The following UBAP2 variants were observed in gnomAD, a reference collection of about 807,000 sequenced individuals.
UBAP2 encodes the protein ubiquitin associated protein 2, also known as ubiquitin-associated protein 2.
In UBAP2, 75 loss-of-function variants were observed where a neutral mutation model predicts 139.6. The observed-to-expected ratio is 0.54, with a 90% CI of 0.45 to 0.65. The LOEUF (loss-of-function observed/expected upper bound fraction) is 0.65, where lower values mean the gene tolerates loss of function less well. Among genes scored for constraint, UBAP2 ranks in the 30% least tolerant of loss-of-function variants. The probability of loss-of-function intolerance (pLI) is 0.00; values close to 1 mark genes in which losing one functional copy is unlikely to be tolerated. For missense variants in UBAP2, 1,368 were observed against 1,369.6 expected (o/e 1.00, Z 0.02); for synonymous variants, 526 against 526.2 (o/e 1.00, Z 0.01).
At chr9:34,046,250 C>A (rs1252670905) in intron 1 of UBAP2, among the ~76,000 whole-genome samples, 1 of 151,148 alleles carries the variant, frequency 6.6e-6, no homozygotes, top group Non-Finnish European at 1.5e-5. Context: ...ACCCCCCAAC[C>A]CCACAAAGTG....
At chr9:34,031,208 C>T (rs1052586403) in intron 1 of UBAP2, among the ~76,000 whole-genome samples, 3 of 147,010 alleles carry the variant, frequency 2.0e-5, no homozygotes, top group Non-Finnish European at 4.5e-5. Flanking sequence ...ACCCAGGAAG[C>T]GGAGGTTGCA....
intron 2 of UBAP2, among the ~76,000 whole-genome samples, chr9:34,007,448 G>A (rs964572430): frequency 2.7e-5 from 4 of 149,742 alleles, no homozygotes; most frequent in African/African-American, 9.9e-5. Flanking sequence ...CGTGAGCCAT[G>A]TTCGCATCAT....
chr9:33,959,944 T>C (rs1446553658), intron 10 of UBAP2, among the ~76,000 whole-genome samples: 3 of 152,062 alleles, frequency 2.0e-5, no homozygotes, highest in Non-Finnish European at 4.4e-5. Flanking sequence ...GTAAATTTTG[T>C]TTGTTTGCTT....
intron 2 of UBAP2, among the ~76,000 whole-genome samples, chr9:34,014,324 C>CA (rs1170182976): frequency 0.014 from 794 of 55,562 alleles, 55 homozygotes; most frequent in Middle Eastern, 0.095. Context: ...GAGACTGTCT[C>CA]AAAAAAAAAA....
chr9:33,943,503 T>C lies in UBAP2; in HGVS notation c.1632A>G (p.Glu544=). 1 of 1,614,096 alleles carries C rather than the reference T, an allele frequency of 6.2e-7. No homozygotes were observed. Among genetic ancestry groups the C allele is most frequent in the South Asian group, 1.1e-5 (1 of 91,086 alleles). ...VQFGALEFGS[E]PSLSEFGSAP... is the part of the protein sequence containing the mutation. ...CTGATCCAAATTCAGAGAGAGAAGGTTCTGACCCAAATTCCAGAGCCCCAA... is the reference window on the plus strand; with the variant it reads ...CTGATCCAAATTCAGAGAGAGAAGGCTCTGACCCAAATTCCAGAGCCCCAA... The change falls in exon 15 of 29, where the codon GAA becomes GAG. Residue 544 remains glutamate, a synonymous_variant. Coordinates refer to ENST00000379238, the MANE Select transcript of UBAP2 (RefSeq NM_001370062.2).
intron 21 of UBAP2, 71 bp from the exon 22 acceptor site, chr9:33,926,735 A>C (rs1823465706): frequency 6.5e-7 from 1 of 1,538,642 alleles, no homozygotes; most frequent in African/African-American, 1.4e-5. Context: ...TCCATCTAGG[A>C]GTCAAAACAA....
chr9:34,011,711 T>C (rs1823762224), intron 2 of UBAP2: 1 of 966,416 alleles, frequency 1.0e-6, no homozygotes, highest in African/African-American at 1.8e-5. Flanking sequence ...AATTCTTAAG[T>C]TAAACAAGGT....
intron 9 of UBAP2, among the ~76,000 whole-genome samples, chr9:33,962,635 C>T (rs555491171): frequency 7.3e-6 from 1 of 136,450 alleles, no homozygotes; most frequent in African/African-American, 3.1e-5. Flanking sequence ...CAGAGCAAGA[C>T]TCTATCTCAA....
chr9:33,923,165 G>T, intron 26 of UBAP2, 21 bp downstream of exon 26: 1 of 1,613,926 alleles, frequency 6.2e-7, no homozygotes, highest in South Asian at 1.1e-5. Flanking sequence ...CCTTATCCTG[G>T]AAAGGAGAGG....
At chr9:33,963,021 C>CGTGG (rs1827189043) in intron 9 of UBAP2, among the ~76,000 whole-genome samples, 1 of 151,932 alleles carries the variant, frequency 6.6e-6, no homozygotes, top group South Asian at 2.1e-4. Flanking sequence ...ATAAAAAAGA[C>CGTGG]TGGCCTACCA....
At position 33,989,111 on chromosome 9, in the gene UBAP2, C is replaced by T; in HGVS notation, c.304G>A (p.Val102Ile). The change falls in exon 5 of 29, where the codon GTA (valine) becomes ATA (isoleucine). Residue 102 changes from valine (V) to isoleucine (I), a missense_variant. Transcript: ENST00000379238. ...GCAAAATTCTTTTTCTTACACCCTA[C>T]AGTCTCCCATGAAGTCTATCAGAGA... ...GNSDTTSWETVGCKKKNFAKE... is the reference protein window; with the variant it reads ...GNSDTTSWETIGCKKKNFAKE... The T allele has an allele frequency of 6.2e-7, 1 of 1,612,714 alleles. No homozygotes were observed. The highest frequency in any genetic ancestry group is 8.5e-7 in the Non-Finnish European group (1 of 1,179,620).
chr9:34,003,215 G>A (rs943338264), intron 2 of UBAP2, among the ~76,000 whole-genome samples: 4 of 151,666 alleles, frequency 2.6e-5, no homozygotes, highest in Admixed American at 2.6e-4. Flanking sequence ...GGTTTTGGTA[G>A]AGACGGGGTT....
chr9:34,036,452 C>G (rs989892744), intron 1 of UBAP2, among the ~76,000 whole-genome samples: 2 of 152,100 alleles, frequency 1.3e-5, no homozygotes, highest in African/African-American at 4.8e-5. Context: ...TCTAAGAAAA[C>G]TAAGGCTCAG....
rs1028144027 is a variant in UBAP2 at position 34,006,994 on chromosome 9, T to C, written c.100-8130A>G. Reference sequence around the variant, plus strand: ...GTACAACTGTTTTGCTGTTGATATATATAAAGGCTAATTTTTGTTGTTGAT... The same window carrying C: ...GTACAACTGTTTTGCTGTTGATATACATAAAGGCTAATTTTTGTTGTTGAT... On this transcript the variant is annotated intron_variant, in intron 2 of 28. Transcript: ENST00000379238. Among the ~76,000 whole-genome samples, 6 of 152,312 alleles carry C rather than the reference T, an allele frequency of 3.9e-5. No individual in the cohort carries two copies. In the East Asian group the frequency reaches 5.8e-4, roughly 15 times the overall value.
intron 19 of UBAP2, among the ~76,000 whole-genome samples, chr9:33,930,321 T>TA (rs1164442546): frequency 2.6e-5 from 4 of 152,050 alleles, no homozygotes; most frequent in African/African-American, 9.7e-5. Flanking sequence ...ACCCGCTACA[T>TA]ACAGCTATAC....
intron 10 of UBAP2, among the ~76,000 whole-genome samples, chr9:33,959,950 T>TG (rs1371694651): frequency 6.6e-6 from 1 of 152,186 alleles, no homozygotes; most frequent in Non-Finnish European, 1.5e-5. Flanking sequence ...TTTGTTTGTT[T>TG]GCTTTAAGAT....
chr9:33,968,898 T>C (rs1014959558), intron 8 of UBAP2, among the ~76,000 whole-genome samples: 1 of 152,238 alleles, frequency 6.6e-6, no homozygotes, highest in African/African-American at 2.4e-5. Context: ...CCTATAAATT[T>C]GCCTTAGACA....
At chr9:33,981,283 G>A (rs1465403007) in intron 6 of UBAP2, among the ~76,000 whole-genome samples, 1 of 67,190 alleles carries the variant, frequency 1.5e-5, no homozygotes, top group Admixed American at 1.6e-4. Context: ...ATATATTCTG[G>A]ATATATATAT....
chr9:33,924,158 C>T lies in UBAP2; in HGVS notation c.2590+48G>A, dbSNP rs778718493. ...TTGCTGCTTCCCAGCTCCTGGAGTT[C>T]GCGCTAGGCCGGCCCCGGGCTACTC... is the stretch of plus-strand genomic sequence containing the variant. On this transcript the variant is annotated intron_variant, in intron 23 of 28. Transcript: ENST00000379238. The T allele has an allele frequency of 4.4e-6, 7 of 1,605,334 alleles. No homozygotes were observed. The South Asian group carries it at 4.4e-5, about 10-fold the overall frequency.
Sources: allele counts gnomAD v4.1 joint callset (sites outside exome capture counted in the v4.1 genomes callset), GRCh38; gene constraint gnomAD v4.1.1; transcripts MANE v1.5; gene names NCBI Gene and HGNC (gene_info 2026-07-23, HGNC 2026-07-21).